Variants in DENND2A observed in about 807,000 individuals in gnomAD.
DENND2A encodes DENN domain containing 2A.
DENND2A carries 53 observed loss-of-function variants against 105.3 expected under a neutral mutation model. The ratio of observed to expected loss-of-function variants is 0.50; its 90% CI spans 0.40 to 0.63. The LOEUF (loss-of-function observed/expected upper bound fraction) is 0.63, where lower values mean the gene tolerates loss of function less well. DENND2A is among the 30% of genes least tolerant of loss of function. DENND2A has a pLI of 0.00. For missense variants in DENND2A, 1,138 were observed against 1,279.6 expected (o/e 0.89, Z 1.69); for synonymous variants, 522 against 508.4 (o/e 1.03, Z -0.36).
rs575738091 is a variant in DENND2A at position 140,561,833 on chromosome 7, T to C, written c.1780-2016A>G. Among the ~76,000 whole-genome samples, 9 of 152,098 alleles carry C rather than the reference T, an allele frequency of 5.9e-5. No individual in the cohort carries two copies. The South Asian group carries it at 1.9e-3, about 32-fold the overall frequency. On this transcript the variant is annotated intron_variant, in intron 9 of 19. Coordinates refer to ENST00000496613, the MANE Select transcript of DENND2A (RefSeq NM_015689.5). ...TTTGGCCCTAACCTAAATTTTTCTG[T>C]AATAATTTGCATCAATTTCTTTGTT...
Position 140,567,397 on chromosome 7 carries a change from G to A in DENND2A, c.1592-124C>T, listed in dbSNP as rs546805557. 55 of 821,608 alleles carry A rather than the reference G, an allele frequency of 6.7e-5. No individual in the cohort carries two copies. In the African/African-American group the frequency reaches 7.0e-4, roughly 10 times the overall value. The allele number at this position is 821,608 out of a possible 1,614,324, so 50.9% of individuals were successfully genotyped here. A position where few individuals can be genotyped will look rare whatever the true frequency, so the allele number is the denominator to read the frequency against. On this transcript the variant is annotated intron_variant, in intron 8 of 19. Coordinates refer to ENST00000496613, the MANE Select transcript of DENND2A (RefSeq NM_015689.5). ...CCATGAGTCCATGTGGAATTGTGCC[G>A]AGCTGCAATAGGTTATGTAATTATC... is the stretch of plus-strand genomic sequence containing the variant.
At position 140,567,228 on chromosome 7, in the gene DENND2A, G is replaced by A. The variant is rs555771873; in HGVS notation, c.1637C>T (p.Ala546Val). The change falls in exon 9 of 20, where the codon GCG becomes GTG. Residue 546 changes from alanine to valine, a missense_variant. Physicochemically the swap from Ala to Val is moderately conservative, Grantham distance 64. This residue lies in a region of DENND2A where 627 missense variants were observed against 779.8 expected (regional missense o/e 0.80). Coordinates refer to ENST00000496613, the MANE Select transcript of DENND2A (RefSeq NM_015689.5). The part of the protein sequence containing the change: ...LVNVKSRLKQ[A>V]PRYPSLAREL... ...CCGGGCAAGTGATGGGTACCGAGGC[G>A]CCTGCTTCAGCCGGGACTTCACGTT... 4.3e-6 allele frequency: 7 copies of A among 1,613,070 alleles called. No homozygotes were observed. Among genetic ancestry groups the A allele is most frequent in the East Asian group, 4.5e-5 (2 of 44,832 alleles).
At chr7:140,623,916 A>G (rs903042742) in intron 1 of DENND2A, among the ~76,000 whole-genome samples, 5 of 152,250 alleles carry the variant, frequency 3.3e-5, no homozygotes, top group African/African-American at 1.2e-4. Context: ...GTGGGAAATT[A>G]AAAATAAATG....
chr7:140,525,914 A>T, intron 15 of DENND2A, 122 bp from the exon 16 acceptor site: 1 of 736,750 alleles, frequency 1.4e-6, no homozygotes. Flanking sequence ...GAGGTGAGCC[A>T]TTTGTGGTTT....
chr7:140,607,021 T>A (rs956842020), intron 1 of DENND2A, among the ~76,000 whole-genome samples: 1 of 152,212 alleles, frequency 6.6e-6, no homozygotes, highest in Non-Finnish European at 1.5e-5. Context: ...CTGTAAGGCA[T>A]GAACACCAGC....
chr7:140,550,110 A>AGGGGTTAGGGGAGGGGATAGGGGT (rs1797061319), intron 12 of DENND2A, among the ~76,000 whole-genome samples: 1 of 38,818 alleles, frequency 2.6e-5, no homozygotes, highest in Non-Finnish European at 4.0e-5. Flanking sequence ...GGCGATGGTG[A>AGGGGTTAGGGGAGGGGATAGGGGT]GGGGTTAGGG....
intron 10 of DENND2A, among the ~76,000 whole-genome samples, chr7:140,558,705 A>C (rs1248407343): frequency 2.0e-5 from 3 of 151,462 alleles, no homozygotes; most frequent in Admixed American, 2.0e-4. Flanking sequence ...CAAAAAAAAA[A>C]AAAAAAAAAA....
Position 140,556,892 on chromosome 7 carries a change from A to G in DENND2A, c.1960-1179T>C, listed in dbSNP as rs570924824. 7.9e-5 allele frequency among the ~76,000 whole-genome samples: 12 copies of G among 152,268 alleles called. No individual in the cohort carries two copies. In the South Asian group the frequency reaches 2.5e-3, roughly 32 times the overall value. ...GAATGGGCCTGAAAATGACAATTCTAAAATGCTTTAGCAGGATCATTGCAC... is the reference window on the plus strand; with the variant it reads ...GAATGGGCCTGAAAATGACAATTCTGAAATGCTTTAGCAGGATCATTGCAC... On this transcript the variant is annotated intron_variant, in intron 11 of 19. Transcript: ENST00000496613.
chr7:140,565,647 G>A (rs1797806791), intron 9 of DENND2A, among the ~76,000 whole-genome samples: 1 of 152,090 alleles, frequency 6.6e-6, no homozygotes, highest in Non-Finnish European at 1.5e-5. Flanking sequence ...TACGGCCATG[G>A]TCCATGACAT....
rs142836911 is a variant in DENND2A, at chr7:140,552,136, A to T, written c.2037+3500T>A. ...GCTATGACCTATAACCTTACTTCACATGTAAACAAATCACATGAAAGCCTG... is the reference window on the plus strand; with the variant it reads ...GCTATGACCTATAACCTTACTTCACTTGTAAACAAATCACATGAAAGCCTG... On this transcript the variant is annotated intron_variant, in intron 12 of 19. Coordinates refer to ENST00000496613, the MANE Select transcript of DENND2A (RefSeq NM_015689.5). Among the ~76,000 whole-genome samples the T allele has an allele frequency of 1.4e-3, 214 of 152,316 alleles. 3 individuals are homozygous for T. The highest frequency in any genetic ancestry group is 0.011 in the Admixed American group (167 of 15,302).
At chr7:140,641,146 G>C (rs1012183454), upstream of DENND2A, among the ~76,000 whole-genome samples, 1 of 152,344 alleles carries the variant, frequency 6.6e-6, no homozygotes, top group Non-Finnish European at 1.5e-5. Context: ...GCTTACTCTA[G>C]GCAGTTAACA....
chr7:140,542,229 G>A (rs757928655), intron 14 of DENND2A, among the ~76,000 whole-genome samples: 8 of 152,276 alleles, frequency 5.3e-5, no homozygotes, highest in Non-Finnish European at 1.0e-4. Flanking sequence ...TTTCAAAAAT[G>A]AGCTTCTTTT....
chr7:140,568,032 C>A (rs1797936788), intron 8 of DENND2A, among the ~76,000 whole-genome samples: 1 of 152,124 alleles, frequency 6.6e-6, no homozygotes, highest in Non-Finnish European at 1.5e-5. Flanking sequence ...CCTCCGCCTC[C>A]CGGGTTCAAG....
At chr7:140,593,180 A>C (rs2130665864) in intron 3 of DENND2A, among the ~76,000 whole-genome samples, 1 of 152,348 alleles carries the variant, frequency 6.6e-6, no homozygotes, top group Middle Eastern at 3.4e-3. Context: ...CATTTTCAAC[A>C]TTCATTCCAC....
chr7:140,634,114 T>A (rs1280322526), intron 1 of DENND2A, among the ~76,000 whole-genome samples: 6 of 151,662 alleles, frequency 4.0e-5, no homozygotes, highest in Non-Finnish European at 8.8e-5. Context: ...TTGTCCTGCC[T>A]CAGCCTCCCG....
intron 8 of DENND2A, 25 bp from the exon 9 acceptor site, chr7:140,567,298 G>A (rs766005494): frequency 2.8e-6 from 3 of 1,081,808 alleles, no homozygotes; most frequent in African/African-American, 2.5e-5. Context: ...GAGAGAGAAA[G>A]AGAGAAAGAG....
chr7:140,577,273 A>G lies in DENND2A; in HGVS notation c.1246-3265T>C, dbSNP rs76496482. Among the ~76,000 whole-genome samples the G allele has an allele frequency of 7.9e-3, 1,205 of 152,346 alleles. 13 individuals carry two copies. The highest frequency in any genetic ancestry group is 0.027 in the African/African-American group (1,126 of 41,582). ...GTAAATTAGATCAAAAGAGTCTTCA[A>G]GCCTTAGAGTAAGCACAGTGAAACA... On this transcript the variant is annotated intron_variant, in intron 5 of 19. Coordinates refer to ENST00000496613, the MANE Select transcript of DENND2A (RefSeq NM_015689.5).
chr7:140,593,222 C>T (rs1000097702), intron 3 of DENND2A, among the ~76,000 whole-genome samples: 20 of 152,182 alleles, frequency 1.3e-4, no homozygotes, highest in Non-Finnish European at 2.5e-4. Flanking sequence ...AGTAAACATG[C>T]GAGTCACATT....
chr7:140,575,526 A>G (rs997770669), intron 5 of DENND2A, among the ~76,000 whole-genome samples: 10 of 152,340 alleles, frequency 6.6e-5, no homozygotes, highest in African/African-American at 2.4e-4. Flanking sequence ...TTTACAAGGA[A>G]ACATATTGTG....
Sources: gnomAD v4.1 joint callset for allele counts (sites outside exome capture counted in the v4.1 genomes callset) on GRCh38, gnomAD v4.1.1 for gene constraint, gnomAD v4.1.1 regional missense constraint, MANE v1.5 for transcripts, NCBI Gene and HGNC (gene_info 2026-07-23, HGNC 2026-07-21) for gene names.